The following HEPH variants were observed in gnomAD, a reference collection of about 807,000 sequenced individuals.
HEPH encodes hephaestin.
A neutral mutation model predicts 80.8 loss-of-function variants in HEPH; 69 were observed. The ratio of observed to expected loss-of-function variants is 0.85; its 90% CI spans 0.70 to 1.04. HEPH has a LOEUF of 1.04. HEPH is among the 50% of genes least tolerant of loss of function. The pLI is 0.00. For synonymous variants in HEPH, 431 were observed against 322.8 expected, an observed-to-expected ratio of 1.34 and a Z score of -3.60; for missense variants, 1,115 against 891.3, an observed-to-expected ratio of 1.25 and a Z score of -3.20.
intron 4 of HEPH, among the ~76,000 whole-genome samples, chrX:66,179,217 T>G (rs775318820): frequency 8.9e-6 from 1 of 112,236 alleles, no homozygotes; most frequent in South Asian, 3.7e-4. Context: ...TTTCGCCATT[T>G]CTTGTTTTTG....
At chrX:66,181,003 C>A (rs1485787638) in intron 4 of HEPH, among the ~76,000 whole-genome samples, 4 of 96,296 alleles carry the variant, frequency 4.2e-5, no homozygotes, top group African/African-American at 1.6e-4. Context: ...CCAGTTTCAT[C>A]CATGTCCCTA....
At chrX:66,232,680 C>T (rs937708559) in intron 15 of HEPH, among the ~76,000 whole-genome samples, 1 of 110,341 alleles carries the variant, frequency 9.1e-6, no homozygotes, top group Non-Finnish European at 1.9e-5. Flanking sequence ...TGTACACCCA[C>T]CTTAATGATA....
chrX:66,190,726 G>C (rs1387650523), intron 6 of HEPH, among the ~76,000 whole-genome samples: 1 of 111,772 alleles, frequency 8.9e-6, no homozygotes, highest in Non-Finnish European at 1.9e-5. Flanking sequence ...ACTTGAAGTG[G>C]ATTTTAGTAG....
At chrX:66,255,469 G>A (rs2091148358) in intron 16 of HEPH, among the ~76,000 whole-genome samples, 1 of 111,313 alleles carries the variant, frequency 9.0e-6, no homozygotes, top group Non-Finnish European at 1.9e-5. Context: ...TGAGGTTCTA[G>A]TCCCAAATTT....
intron 19 of HEPH, among the ~76,000 whole-genome samples, chrX:66,261,969 T>C (rs2091378817): frequency 1.8e-5 from 2 of 112,226 alleles, no homozygotes; most frequent in Admixed American, 1.9e-4. Context: ...TAGTAATGGG[T>C]TATCCCAAAT....
chrX:66,249,207 G>C (rs1285135069), intron 15 of HEPH, among the ~76,000 whole-genome samples: 1 of 110,631 alleles, frequency 9.0e-6, no homozygotes, highest in Admixed American at 9.6e-5. Flanking sequence ...GTAGAGTAGT[G>C]GTAAAAGGAA....
At chrX:66,239,960 G>A (rs1278900934) in intron 15 of HEPH, among the ~76,000 whole-genome samples, 1 of 111,112 alleles carries the variant, frequency 9.0e-6, no homozygotes, top group Admixed American at 9.6e-5. Flanking sequence ...TCTTCACAAT[G>A]GCATATAAAT....
intron 15 of HEPH, among the ~76,000 whole-genome samples, chrX:66,233,611 T>TA (rs202006088): frequency 0.011 from 1,191 of 110,865 alleles, 18 homozygotes; most frequent in African/African-American, 0.037. Context: ...ACCATTAACA[T>TA]AAAAAAATTT....
chrX:66,224,865 TTC>T (rs2089812658), intron 15 of HEPH, among the ~76,000 whole-genome samples: 1 of 110,390 alleles, frequency 9.1e-6, no homozygotes, highest in Non-Finnish European at 1.9e-5. Flanking sequence ...GTCTCTGATT[TTC>T]TGTCTCTTTT....
intron 3 of HEPH, 93 bp from the exon 4 acceptor site, chrX:66,173,496 C>A: frequency 3.4e-6 from 2 of 582,107 alleles, no homozygotes; most frequent in South Asian, 3.0e-5. Flanking sequence ...AAGACTGGAC[C>A]TAGGGTTCTA....
intron 15 of HEPH, among the ~76,000 whole-genome samples, chrX:66,235,349 A>C (rs768561467): frequency 8.9e-6 from 1 of 111,985 alleles, no homozygotes; most frequent in Non-Finnish European, 1.9e-5. Context: ...TTAAGTCTTT[A>C]ATCCATATTG....
At chrX:66,166,796 G>T (rs751913178) in intron 1 of HEPH, among the ~76,000 whole-genome samples, 2 of 111,999 alleles carry the variant, frequency 1.8e-5, no homozygotes, top group Non-Finnish European at 3.8e-5. Flanking sequence ...AGAGAGTTCA[G>T]CTTGGGCTGT....
At chrX:66,258,329 G>T (rs943660052) in intron 17 of HEPH, among the ~76,000 whole-genome samples, 25 of 111,873 alleles carry the variant, frequency 2.2e-4, no homozygotes, top group Admixed American at 1.0e-3. Flanking sequence ...GATCAGGAAA[G>T]TCTTTCTGGG....
In HEPH at chrX:66,195,109, C is replaced by A. The variant is rs763299199; in HGVS notation, c.1381C>A (p.Arg461=). 6 of 1,183,506 alleles carry A rather than the reference C, an allele frequency of 5.1e-6. No individual in the cohort carries two copies. The East Asian group carries it at 1.9e-4, about 37-fold the overall frequency. Reference sequence around the variant, plus strand: ...TTCCCATTTTCCAGGGCCAGTGATCCGGGCTGAGGTGGGTGACACCATTCA... The same window carrying A: ...TTCCCATTTTCCAGGGCCAGTGATCAGGGCTGAGGTGGGTGACACCATTCA... The part of the protein sequence containing the change: ...RHLGILGPVI[R]AEVGDTIQVV... Residue 461 remains arginine (R), a synonymous_variant, in exon 9 of 21, where the codon CGG becomes AGG. Transcript: ENST00000343002.
intron 4 of HEPH, among the ~76,000 whole-genome samples, chrX:66,177,028 G>A (rs1399657195): frequency 9.0e-6 from 1 of 111,191 alleles, no homozygotes; most frequent in African/African-American, 3.3e-5. Context: ...GAGTGAACAG[G>A]CAACCTACAG....
In HEPH at chrX:66,174,290, T is replaced by A. The variant is rs770484045; in HGVS notation, c.625+489T>A. Among the ~76,000 whole-genome samples the A allele has an allele frequency of 2.7e-5, 3 of 111,779 alleles. No homozygotes were observed. In the South Asian group the frequency reaches 1.1e-3, roughly 42 times the overall value. ...GTTTTCCATTCCTGAGTTACTTCACTTAGAATAATAGTCTCCAATCTCATT... is the reference window on the plus strand; with the variant it reads ...GTTTTCCATTCCTGAGTTACTTCACATAGAATAATAGTCTCCAATCTCATT... On this transcript the variant is annotated intron_variant, in intron 4 of 20. Coordinates refer to ENST00000343002, the MANE Select transcript of HEPH (RefSeq NM_001367233.3).
chrX:66,200,722 G>C lies in HEPH; in HGVS notation c.2047G>C (p.Val683Leu), dbSNP rs1233751813. ...GAAMLFPHTFVMAIMQPDNLG... is the reference protein window; with the variant it reads ...GAAMLFPHTFLMAIMQPDNLG... ...AGCTATGCTCTTTCCTCATACCTTT[G>C]TCATGGCCATCATGCAGCCTGACAA... The change falls in exon 12 of 21, where the codon GTC becomes CTC. Residue 683 changes from valine (V) to leucine (L), a missense_variant. Transcript: ENST00000343002. 2 of 1,209,227 alleles carry C rather than the reference G, an allele frequency of 1.7e-6. No homozygotes were observed. The highest frequency in any genetic ancestry group is 2.2e-6 in the Non-Finnish European group (2 of 894,991).
At position 66,208,207 on chromosome X, in the gene HEPH, C is replaced by T; in HGVS notation, c.2524C>T (p.Leu842=). 2 of 1,206,067 alleles carry T rather than the reference C, an allele frequency of 1.7e-6. No individual in the cohort carries two copies. The highest frequency in any genetic ancestry group is 2.3e-4 in the Middle Eastern group (1 of 4,334). Residue 842 remains leucine, a synonymous_variant, in exon 15 of 21, where the codon CTA becomes TTA. Coordinates refer to ENST00000343002, the MANE Select transcript of HEPH (RefSeq NM_001367233.3). The part of the protein sequence containing the change: ...RPYSVHAHGV[L]ESTTVWPLAA... ...CTACTCTGTGCATGCTCATGGAGTG[C>T]TAGAATCTACTACTGTCTGGCCACT...
intron 18 of HEPH, among the ~76,000 whole-genome samples, chrX:66,259,705 A>G (rs1019019050): frequency 9.6e-6 from 1 of 104,020 alleles, no homozygotes; most frequent in Non-Finnish European, 1.9e-5. Context: ...ATATGAATAA[A>G]GTGGACTTTT....
Sources: gnomAD v4.1 joint callset for allele counts (sites outside exome capture counted in the v4.1 genomes callset) on GRCh38, gnomAD v4.1.1 for gene constraint, MANE v1.5 for transcripts, NCBI Gene and HGNC (gene_info 2026-07-23, HGNC 2026-07-21) for gene names.